Variants in ITFG1 observed in about 807,000 individuals in gnomAD.
ITFG1 encodes the protein integrin alpha FG-GAP repeat containing 1, also known as T-cell immunomodulatory protein.
ITFG1 carries 34 observed loss-of-function variants against 81.8 expected under a neutral mutation model. That is an observed-to-expected ratio of 0.42 (90% CI 0.32 to 0.55). The LOEUF (loss-of-function observed/expected upper bound fraction) is 0.55. Ranked by LOEUF, ITFG1 falls within the 20% of genes least tolerant of loss-of-function variation. The pLI is 0.17. For synonymous variants in ITFG1, 285 were observed against 270.6 expected (o/e 1.05, Z -0.52); for missense variants, 672 against 755.4 (o/e 0.89, Z 1.29).
intron 7 of ITFG1, among the ~76,000 whole-genome samples, chr16:47,371,838 C>T (rs1369376757): frequency 6.6e-6 from 1 of 151,960 alleles, no homozygotes; most frequent in East Asian, 1.9e-4. Flanking sequence ...AATTATCTGG[C>T]TCAAAATGGT....
upstream of ITFG1, chr16:47,461,200 G>T: frequency 1.0e-6 from 1 of 978,570 alleles, no homozygotes; most frequent in Non-Finnish European, 1.5e-6. Context: ...CTGCCCTTCC[G>T]ACGCTAAAAA....
chr16:47,178,626 G>A (rs977402915), intron 14 of ITFG1, among the ~76,000 whole-genome samples: 5 of 152,128 alleles, frequency 3.3e-5, no homozygotes, highest in Non-Finnish European at 5.9e-5. Flanking sequence ...AAAAACCCTA[G>A]AAGAAAACCT....
chr16:47,394,590 C>A (rs1968571625), intron 6 of ITFG1, among the ~76,000 whole-genome samples: 1 of 151,840 alleles, frequency 6.6e-6, no homozygotes, highest in African/African-American at 2.4e-5. Flanking sequence ...GTTTTCATTA[C>A]TCGCCAGAAG....
chr16:47,291,411 C>T (rs1238935780), intron 10 of ITFG1, among the ~76,000 whole-genome samples: 2 of 151,854 alleles, frequency 1.3e-5, no homozygotes, highest in Admixed American at 6.6e-5. Flanking sequence ...TTGCAATATG[C>T]CTTGGGGAGG....
At chr16:47,175,471 G>T (rs926924456) in intron 14 of ITFG1, among the ~76,000 whole-genome samples, 1 of 151,788 alleles carries the variant, frequency 6.6e-6, no homozygotes, top group Non-Finnish European at 1.5e-5. Flanking sequence ...CATTACATAG[G>T]GCTGGGATTT....
chr16:47,213,856 C>G (rs959930692), intron 14 of ITFG1, among the ~76,000 whole-genome samples: 31 of 152,232 alleles, frequency 2.0e-4, no homozygotes, highest in African/African-American at 7.2e-4. Context: ...TTCATAATAT[C>G]TTTATAATAA....
chr16:47,330,841 A>G (rs1453538001), intron 8 of ITFG1, among the ~76,000 whole-genome samples: 2 of 152,202 alleles, frequency 1.3e-5, no homozygotes, highest in Admixed American at 1.3e-4. Context: ...AAGGCTGCAG[A>G]GAAAAGGGAA....
intron 10 of ITFG1, among the ~76,000 whole-genome samples, chr16:47,278,183 T>C (rs1178180364): frequency 1.3e-5 from 2 of 152,164 alleles, no homozygotes; most frequent in Non-Finnish European, 2.9e-5. Flanking sequence ...CAAATGGAGA[T>C]TTTGTGTATA....
chr16:47,156,692 C>T (rs1964715381), intron 17 of ITFG1, among the ~76,000 whole-genome samples: 1 of 152,088 alleles, frequency 6.6e-6, no homozygotes, highest in Admixed American at 6.6e-5. Context: ...ACAGGGAAAG[C>T]ATTTGAAAGT....
intron 10 of ITFG1, among the ~76,000 whole-genome samples, chr16:47,294,947 G>C (rs747446237): frequency 6.6e-6 from 1 of 151,998 alleles, no homozygotes; most frequent in African/African-American, 2.4e-5. Context: ...CCAGTTCTTC[G>C]GGGAAGAGCT....
intron 6 of ITFG1, among the ~76,000 whole-genome samples, chr16:47,391,639 T>A (rs912983211): frequency 6.6e-6 from 1 of 152,234 alleles, no homozygotes; most frequent in African/African-American, 2.4e-5. Flanking sequence ...ACACTAAGTA[T>A]AATTCTGTTA....
At chr16:47,393,036 G>T (rs1256484236) in intron 6 of ITFG1, among the ~76,000 whole-genome samples, 1 of 152,186 alleles carries the variant, frequency 6.6e-6, no homozygotes, top group Non-Finnish European at 1.5e-5. Flanking sequence ...ATAACTATTT[G>T]TTGGACCAGA....
intron 6 of ITFG1, among the ~76,000 whole-genome samples, chr16:47,400,783 T>C (rs939673019): frequency 2.0e-5 from 3 of 152,086 alleles, no homozygotes; most frequent in African/African-American, 7.2e-5. Flanking sequence ...GTAAGCTCCA[T>C]GTGGCGGGAG....
chr16:47,287,542 A>T (rs1966874637), intron 10 of ITFG1, among the ~76,000 whole-genome samples: 2 of 152,042 alleles, frequency 1.3e-5, no homozygotes, highest in Non-Finnish European at 2.9e-5. Flanking sequence ...CTGGGACCAC[A>T]GGCACCTGCC....
intron 8 of ITFG1, among the ~76,000 whole-genome samples, chr16:47,336,970 G>GA (rs1445973725): frequency 0.022 from 2,202 of 99,660 alleles, 30 homozygotes; most frequent in African/African-American, 0.038. Flanking sequence ...CTCAAAAAAA[G>GA]AAAAAAAAAA....
At chr16:47,254,629 A>C (rs1417032877) in intron 12 of ITFG1, among the ~76,000 whole-genome samples, 1 of 152,214 alleles carries the variant, frequency 6.6e-6, no homozygotes, top group Non-Finnish European at 1.5e-5. Context: ...TTAGTATAAA[A>C]GTAGTTTCAA....
intron 2 of ITFG1, among the ~76,000 whole-genome samples, chr16:47,456,826 G>C (rs1351210292): frequency 6.6e-6 from 1 of 151,922 alleles, no homozygotes; most frequent in Non-Finnish European, 1.5e-5. Flanking sequence ...TTTTACATGG[G>C]GAAATTCCCC....
At chr16:47,162,266 A>G (rs1285725420) in intron 15 of ITFG1, among the ~76,000 whole-genome samples, 1 of 151,974 alleles carries the variant, frequency 6.6e-6, no homozygotes, top group Admixed American at 6.6e-5. Flanking sequence ...TTAGGTGGTG[A>G]AAAATGTTAG....
intron 8 of ITFG1, among the ~76,000 whole-genome samples, chr16:47,340,613 A>G (rs1446118829): frequency 1.3e-5 from 2 of 152,186 alleles, no homozygotes; most frequent in African/African-American, 4.8e-5. Context: ...AACGAAAGAG[A>G]AAAAAAGTGA....
Sources: allele counts gnomAD v4.1 joint callset (sites outside exome capture counted in the v4.1 genomes callset), GRCh38; gene constraint gnomAD v4.1.1; transcripts MANE v1.5; gene names NCBI Gene and HGNC (gene_info 2026-07-23, HGNC 2026-07-21).